Variants in CNNM1 observed in about 807,000 individuals in gnomAD.
CNNM1 encodes cyclin and CBS domain divalent metal cation transport mediator 1.
In CNNM1, 44 loss-of-function variants were observed where a neutral mutation model predicts 78.8. The ratio of observed to expected loss-of-function variants is 0.56; its 90% CI spans 0.44 to 0.72. CNNM1 has a LOEUF of 0.72. Among genes scored for constraint, CNNM1 ranks in the 30% least tolerant of loss-of-function variants. The pLI, the probability that CNNM1 is intolerant of heterozygous loss-of-function variation, is 0.00. For synonymous variants in CNNM1, 584 were observed against 581.5 expected (o/e 1.00, Z -0.06); for missense variants, 1,101 against 1,292.2 (o/e 0.85, Z 2.27).
chr10:99,338,334 C>T (rs1481829801), intron 1 of CNNM1, among the ~76,000 whole-genome samples: 1 of 143,884 alleles, frequency 7.0e-6, no homozygotes, highest in Non-Finnish European at 1.5e-5. Context: ...CTCACTTTGT[C>T]GCCCAGGCTG....
At chr10:99,344,641 A>T (rs1486818857) in intron 1 of CNNM1, among the ~76,000 whole-genome samples, 1 of 151,506 alleles carries the variant, frequency 6.6e-6, no homozygotes, top group East Asian at 1.9e-4. Flanking sequence ...TCCTGTTATC[A>T]GTTAGAATTC....
At chr10:99,359,334 G>A in intron 2 of CNNM1, among the ~76,000 whole-genome samples, 1 of 152,138 alleles carries the variant, frequency 6.6e-6, no homozygotes, top group East Asian at 1.9e-4. Context: ...CCTGTATTTT[G>A]CTACTCTTTT....
At chr10:99,365,839 T>C (rs547306279) in intron 6 of CNNM1, among the ~76,000 whole-genome samples, 2 of 152,298 alleles carry the variant, frequency 1.3e-5, no homozygotes, top group Admixed American at 6.5e-5. Flanking sequence ...GTGGGAATTA[T>C]CAGAGGGTCC....
chr10:99,356,562 C>CAGACAGAAAGAAAGAAAGAAAAGAAAA lies in CNNM1; in HGVS notation c.1574-947_1574-946insCAGAAAGAAAGAAAGAAAAGAAAAAGA. ...AAAGACAGACAGACAGACAGACAGA[C>CAGACAGAAAGAAAGAAAGAAAAGAAAA]AGAAAGAAAGAAAGAAAGAAAGAAA... On this transcript the variant is annotated intron_variant, in intron 1 of 10. Transcript: ENST00000356713. 5.1e-5 allele frequency among the ~76,000 whole-genome samples: 5 copies of CAGACAGAAAGAAAGAAAGAAAAGAAAA among 98,538 alleles called. No homozygotes were observed. The South Asian group carries it at 1.8e-3, about 36-fold the overall frequency. 64.6% of individuals were successfully genotyped at this position (98,538 alleles called of 152,430 possible). A position where few individuals can be genotyped will look rare whatever the true frequency, so the allele number is the denominator to read the frequency against.
chr10:99,369,536 A>C (rs1311009371), intron 6 of CNNM1, among the ~76,000 whole-genome samples: 2 of 152,192 alleles, frequency 1.3e-5, no homozygotes, highest in African/African-American at 4.8e-5. Context: ...CATTTAAAAA[A>C]GGTCATGTTT....
At position 99,391,772 on chromosome 10, in the gene CNNM1, A is replaced by G. The variant is rs1247988761; in HGVS notation, c.*256A>G. 4.7e-6 allele frequency: 2 copies of G among 425,540 alleles called. No homozygotes were observed. The highest frequency in any genetic ancestry group is 6.7e-4 in the Middle Eastern group (1 of 1,492). The allele number at this position is 425,540 out of a possible 1,614,324, so 26.4% of individuals were successfully genotyped here. A position where few individuals can be genotyped will look rare whatever the true frequency, so the allele number is the denominator to read the frequency against. On this transcript the variant is annotated 3_prime_UTR_variant, in exon 11 of 11. Transcript: ENST00000356713. ...TGCTAGAAATGGTCTTTTCCACAGC[A>G]TAGTCTGGGACTGGAAAAGAGATGT...
chr10:99,346,704 C>G (rs955957069), intron 1 of CNNM1, among the ~76,000 whole-genome samples: 1 of 152,190 alleles, frequency 6.6e-6, no homozygotes, highest in Non-Finnish European at 1.5e-5. Flanking sequence ...AAACACACTC[C>G]TTAAGTGATC....
chr10:99,371,525 A>T (rs2031802340), intron 6 of CNNM1, among the ~76,000 whole-genome samples: 1 of 152,186 alleles, frequency 6.6e-6, no homozygotes, highest in African/African-American at 2.4e-5. Context: ...GTGCTCGGTT[A>T]TCTATTCATA....
intron 1 of CNNM1, among the ~76,000 whole-genome samples, chr10:99,350,981 C>T (rs969459622): frequency 3.3e-5 from 5 of 152,218 alleles, no homozygotes; most frequent in African/African-American, 1.2e-4. Flanking sequence ...TGTCTCCATA[C>T]ATGGCCAAAT....
At chr10:99,352,392 T>A (rs955885683) in intron 1 of CNNM1, among the ~76,000 whole-genome samples, 7 of 152,212 alleles carry the variant, frequency 4.6e-5, no homozygotes, top group Non-Finnish European at 7.3e-5. Context: ...GGACATATGT[T>A]TTCATTTCTC....
chr10:99,350,038 C>T (rs938699205), intron 1 of CNNM1, among the ~76,000 whole-genome samples: 2 of 152,044 alleles, frequency 1.3e-5, no homozygotes, highest in Non-Finnish European at 2.9e-5. Context: ...CTATCTGGAC[C>T]CTGCCCCACC....
intron 1 of CNNM1, among the ~76,000 whole-genome samples, chr10:99,347,798 A>G (rs898348046): frequency 6.6e-6 from 1 of 151,886 alleles, no homozygotes; most frequent in African/African-American, 2.4e-5. Flanking sequence ...TACACTCCCA[A>G]TGCATGACCT....
intron 2 of CNNM1, among the ~76,000 whole-genome samples, chr10:99,359,004 CAAAAAA>C (rs769541046): frequency 5.8e-5 from 3 of 51,498 alleles, no homozygotes; most frequent in African/African-American, 1.4e-4. Flanking sequence ...AAGACTGTCT[CAAAAAA>C]AAAAAAAAAA....
intron 9 of CNNM1, 47 bp from the exon 10 acceptor site, chr10:99,390,259 G>T (rs777342720): frequency 7.4e-7 from 1 of 1,350,872 alleles, no homozygotes; most frequent in South Asian, 1.2e-5. Flanking sequence ...CTTGATGCCT[G>T]AGTGTGTAGG....
chr10:99,388,264 G>C lies in CNNM1; in HGVS notation c.2637G>C (p.Gln879His), dbSNP rs749462590. 1 of 1,613,856 alleles carries C rather than the reference G, an allele frequency of 6.2e-7. No individual in the cohort carries two copies. Among genetic ancestry groups the C allele is most frequent in the East Asian group, 2.2e-5 (1 of 44,886 alleles). ...MTDFEEHSTQ[Q>H]LTLSPAAVPT... ...ACTTCGAGGAGCACAGCACACAGCA[G>C]CTCACGCTGTCTCCTGCAGCCGTTC... The change falls in exon 9 of 11, where the codon CAG (glutamine) becomes CAC (histidine). Residue 879 changes from glutamine to histidine, a missense_variant. Gln to His is a conservative substitution (Grantham distance 24, BLOSUM62 0). Around this residue, in one of 3 missense-constraint regions of CNNM1, gnomAD observed 348 missense variants for 384.5 expected, o/e 0.90. Coordinates refer to ENST00000356713, the MANE Select transcript of CNNM1 (RefSeq NM_020348.3).
At position 99,393,204 on chromosome 10, in the gene CNNM1, C is replaced by G. The variant is rs975874067; in HGVS notation, c.*1688C>G. 6.6e-6 allele frequency: 1 copy of G among 152,564 alleles called. No homozygotes were observed. Among genetic ancestry groups the G allele is most frequent in the Admixed American group, 6.5e-5 (1 of 15,270 alleles). The allele number at this position is 152,564 out of a possible 1,614,324, so 9.5% of individuals were successfully genotyped here. A position where few individuals can be genotyped will look rare whatever the true frequency, so the allele number is the denominator to read the frequency against. Reference sequence around the variant, plus strand: ...CCGTAGTATACCATCCAGCTTCCCTCCCCTTCCTCCAAAACCCTCCCTCCC... The same window carrying G: ...CCGTAGTATACCATCCAGCTTCCCTGCCCTTCCTCCAAAACCCTCCCTCCC... On this transcript the variant is annotated 3_prime_UTR_variant, in exon 11 of 11. Transcript: ENST00000356713.
chr10:99,358,630 G>A (rs988866374), intron 2 of CNNM1, among the ~76,000 whole-genome samples: 1 of 152,088 alleles, frequency 6.6e-6, no homozygotes, highest in Non-Finnish European at 1.5e-5. Context: ...TAAAAGGTGG[G>A]CCAGGCCTTG....
At chr10:99,351,621 TC>T (rs1366242886) in intron 1 of CNNM1, among the ~76,000 whole-genome samples, 3 of 152,142 alleles carry the variant, frequency 2.0e-5, no homozygotes. Flanking sequence ...TCTCATATTT[TC>T]CCTCTCCTGC....
intron 7 of CNNM1, among the ~76,000 whole-genome samples, chr10:99,377,939 T>TTCC (rs1164048948): frequency 1.3e-5 from 2 of 150,588 alleles, no homozygotes; most frequent in Non-Finnish European, 2.9e-5. Flanking sequence ...ATTTTCCCCT[T>TTCC]TCCTCTTGTT....
Sources: allele counts gnomAD v4.1 joint callset (sites outside exome capture counted in the v4.1 genomes callset), GRCh38; gene constraint gnomAD v4.1.1; regional missense constraint gnomAD v4.1.1; transcripts MANE v1.5; gene names NCBI Gene and HGNC (gene_info 2026-07-23, HGNC 2026-07-21).